DBX2: variants seen among roughly 807,000 people sequenced by gnomAD.
DBX2 encodes developing brain homeobox 2.
Under a neutral mutation model 17.7 loss-of-function variants are expected in DBX2, and 16 were observed. That is an observed-to-expected ratio of 0.90 (90% CI 0.61 to 1.37). DBX2 has a LOEUF of 1.37. DBX2 is among the 40% of genes most tolerant of loss of function. The probability of loss-of-function intolerance (pLI) is 0.00; values close to 1 mark genes in which losing one functional copy is unlikely to be tolerated. For synonymous variants in DBX2, 255 were observed against 183.8 expected, an observed-to-expected ratio of 1.39 and a Z score of -3.13; for missense variants, 538 against 433.8, an observed-to-expected ratio of 1.24 and a Z score of -2.13.
At chr12:45,041,066 C>G (rs1175259975) in intron 1 of DBX2, among the ~76,000 whole-genome samples, 1 of 146,356 alleles carries the variant, frequency 6.8e-6, no homozygotes, top group African/African-American at 2.5e-5. Flanking sequence ...AAAAAAACCT[C>G]TAGGAAAGAA....
intron 3 of DBX2, 98 bp downstream of exon 3, chr12:45,023,608 CA>C (rs1268533259): frequency 2.2e-6 from 3 of 1,379,860 alleles, no homozygotes; most frequent in African/African-American, 1.5e-5. Context: ...CTTAAGAAAT[CA>C]GAAGCAGTTG....
At chr12:45,050,003 A>G (rs1447121231) in intron 1 of DBX2, among the ~76,000 whole-genome samples, 1 of 151,358 alleles carries the variant, frequency 6.6e-6, no homozygotes, top group East Asian at 1.9e-4. Context: ...ACTTTGCGCA[A>G]CTCTCCTTCC....
At position 45,050,688 on chromosome 12, in the gene DBX2, T is replaced by A; in HGVS notation, c.240A>T (p.Pro80=). Residue 80 remains proline (P), a synonymous_variant, in exon 1 of 4, where the codon CCA becomes CCT. Coordinates refer to ENST00000332700, the MANE Select transcript of DBX2 (RefSeq NM_001004329.3). ...GAQLRPLPAS[P]VPLKLCPAAE... is the part of the protein sequence containing the mutation. Reference sequence around the variant, plus strand: ...CTGCGGGGCACAGCTTTAGGGGAACTGGGCTAGCAGGCAGGGGCCGGAGCT... The same window carrying A: ...CTGCGGGGCACAGCTTTAGGGGAACAGGGCTAGCAGGCAGGGGCCGGAGCT... The A allele has an allele frequency of 1.3e-6, 2 of 1,538,108 alleles. No individual in the cohort carries two copies. The highest frequency in any genetic ancestry group is 2.4e-5 in the South Asian group (2 of 83,328).
chr12:45,016,546 A>T lies in DBX2; in HGVS notation c.760T>A (p.Cys254Ser). The T allele has an allele frequency of 6.3e-7, 1 of 1,591,376 alleles. No homozygotes were observed. Among genetic ancestry groups the T allele is most frequent in the Non-Finnish European group, 8.5e-7 (1 of 1,171,624 alleles). The change falls in exon 4 of 4, where the codon TGT becomes AGT. Residue 254 changes from cysteine (C) to serine (S), a missense_variant. Physicochemically the swap from Cys to Ser is moderately radical, Grantham distance 112. Coordinates refer to ENST00000332700, the MANE Select transcript of DBX2 (RefSeq NM_001004329.3). Reference sequence around the variant, plus strand: ...TCTTGAAGACCTACTTCTTGGATACACCTGTTGGAAAGCACTTCCTTTTCT... The same window carrying T: ...TCTTGAAGACCTACTTCTTGGATACTCCTGTTGGAAAGCACTTCCTTTTCT... ...SKEKEVLSNRCIQEVGLQEDP... is the reference protein window; with the variant it reads ...SKEKEVLSNRSIQEVGLQEDP...
In DBX2 at chr12:45,014,869, GA is replaced by G. The variant is rs1196780696; in HGVS notation, c.*1416del. ...CTGTTGATTAAAACCGTTATCTCCT[GA>G]AATATCTTTTCTAAACACTAAACCC... On this transcript the variant is annotated 3_prime_UTR_variant, in exon 4 of 4. Coordinates refer to ENST00000332700, the MANE Select transcript of DBX2 (RefSeq NM_001004329.3). The G allele has an allele frequency of 2.0e-5, 3 of 152,116 alleles. No individual in the cohort carries two copies. The highest frequency in any genetic ancestry group is 4.4e-5 in the Non-Finnish European group (3 of 68,010). The allele number at this position is 152,116 out of a possible 1,614,324, so 9.4% of individuals were successfully genotyped here.
At chr12:45,040,890 T>C (rs1357138440) in intron 1 of DBX2, among the ~76,000 whole-genome samples, 2 of 151,976 alleles carry the variant, frequency 1.3e-5, no homozygotes, top group African/African-American at 4.8e-5. Context: ...ACAAACAAAT[T>C]ATGGTACTAA....
chr12:45,049,598 T>C (rs532049151), intron 1 of DBX2, among the ~76,000 whole-genome samples: 1 of 152,136 alleles, frequency 6.6e-6, no homozygotes, highest in South Asian at 2.1e-4. Flanking sequence ...AAAGCGTCTA[T>C]TAGTCATTCT....
At chr12:45,021,546 G>A (rs1007707422) in intron 3 of DBX2, among the ~76,000 whole-genome samples, 2 of 152,166 alleles carry the variant, frequency 1.3e-5, no homozygotes, top group South Asian at 2.1e-4. Flanking sequence ...CCTACTTCAA[G>A]TTTCAACTCA....
chr12:45,042,850 C>T (rs2137031203), intron 1 of DBX2, among the ~76,000 whole-genome samples: 1 of 152,182 alleles, frequency 6.6e-6, no homozygotes, highest in East Asian at 1.9e-4. Context: ...AACAAGTTGA[C>T]AGAGTCTGGC....
At chr12:45,036,663 A>G (rs960987768) in intron 1 of DBX2, among the ~76,000 whole-genome samples, 1 of 152,202 alleles carries the variant, frequency 6.6e-6, no homozygotes, top group Non-Finnish European at 1.5e-5. Context: ...ATGTGCTTAC[A>G]TTTAATTTTT....
intron 3 of DBX2, among the ~76,000 whole-genome samples, chr12:45,017,158 G>A (rs1946328608): frequency 1.3e-5 from 2 of 152,106 alleles, no homozygotes; most frequent in African/African-American, 2.4e-5. Flanking sequence ...GTTACACCCT[G>A]TAAGTCTGAT....
chr12:45,016,299 G>GT lies in DBX2; in HGVS notation c.1006dup (p.Thr336AsnfsTer36). The stretch of plus-strand genomic sequence containing the variant: ...GAATGCTTCCATTCAGACAGCCCCA[G>GT]TAAGTACACCCTTGCTTCCAGCTTC... On this transcript the variant is annotated frameshift_variant, in exon 4 of 4. Transcript: ENST00000332700. LOFTEE classifies it high-confidence loss of function. The GT allele has an allele frequency of 6.4e-7, 1 of 1,571,364 alleles. No homozygotes were observed. Among genetic ancestry groups the GT allele is most frequent in the Non-Finnish European group, 8.6e-7 (1 of 1,161,954 alleles).
intron 3 of DBX2, 49 bp downstream of exon 3, chr12:45,023,658 G>T: frequency 6.2e-7 from 1 of 1,608,720 alleles, no homozygotes; most frequent in Non-Finnish European, 8.5e-7. Context: ...GATTTCATCT[G>T]ATCTCAGAAG....
chr12:45,048,031 G>A (rs1349504884), intron 1 of DBX2, among the ~76,000 whole-genome samples: 3 of 152,156 alleles, frequency 2.0e-5, no homozygotes, highest in African/African-American at 7.2e-5. Flanking sequence ...AACTGATTAT[G>A]CCAATGGCCT....
chr12:45,049,555 C>G (rs1946517827), intron 1 of DBX2, among the ~76,000 whole-genome samples: 1 of 151,834 alleles, frequency 6.6e-6, no homozygotes, highest in African/African-American at 2.4e-5. Flanking sequence ...AAATTTGATC[C>G]GGCAGTTTGC....
intron 3 of DBX2, among the ~76,000 whole-genome samples, chr12:45,018,639 CA>C (rs1031466418): frequency 8.6e-5 from 13 of 151,842 alleles, no homozygotes; most frequent in Admixed American, 7.2e-4. Context: ...ATGAAAAAGC[CA>C]AAAACTACCC....
intron 3 of DBX2, among the ~76,000 whole-genome samples, chr12:45,017,881 T>C: frequency 6.6e-6 from 1 of 152,156 alleles, no homozygotes; most frequent in East Asian, 1.9e-4. Context: ...AACTAGAAAA[T>C]TTTTACCCAA....
Position 45,050,998 on chromosome 12 carries a change from C to G in DBX2, c.-71G>C, listed in dbSNP as rs991756941. On this transcript the variant is annotated 5_prime_UTR_variant, in exon 1 of 4. Coordinates refer to ENST00000332700, the MANE Select transcript of DBX2 (RefSeq NM_001004329.3). ...TGTCGCCCGGGCGCCCCGCACCGCA[C>G]CCAGAGCCGCAGCTTCTCGCCGCCG... 5 of 1,322,040 alleles carry G rather than the reference C, an allele frequency of 3.8e-6. No homozygotes were observed. The African/African-American group carries it at 4.7e-5, about 12-fold the overall frequency. 81.9% of individuals were successfully genotyped at this position (1,322,040 alleles called of 1,614,324 possible).
chr12:45,019,035 CAAG>C (rs1279928410), intron 3 of DBX2, among the ~76,000 whole-genome samples: 1 of 151,664 alleles, frequency 6.6e-6, no homozygotes, highest in Non-Finnish European at 1.5e-5. Flanking sequence ...TTCAGTTTTA[CAAG>C]ATGAAAAAAT....
Sources: allele counts gnomAD v4.1 joint callset (sites outside exome capture counted in the v4.1 genomes callset), GRCh38; gene constraint gnomAD v4.1.1; transcripts MANE v1.5; gene names NCBI Gene and HGNC (gene_info 2026-07-23, HGNC 2026-07-21).